Variants in PARP4 observed in about 807,000 individuals in gnomAD.
The protein encoded by PARP4 is protein mono-ADP-ribosyltransferase PARP4.
PARP4 carries 120 observed loss-of-function variants against 187.7 expected under a neutral mutation model. The ratio of observed to expected loss-of-function variants is 0.64; its 90% CI spans 0.55 to 0.74. The LOEUF (loss-of-function observed/expected upper bound fraction) is 0.74, where lower values mean the gene tolerates loss of function less well. PARP4 is among the 30% of genes least tolerant of loss of function. PARP4 has a pLI of 0.00. For missense variants in PARP4, 1,836 were observed against 2,070.5 expected, an observed-to-expected ratio of 0.89 and a Z score of 2.20; for synonymous variants, 654 against 740.9, an observed-to-expected ratio of 0.88 and a Z score of 1.90.
intron 1 of PARP4, among the ~76,000 whole-genome samples, chr13:24,510,330 G>A (rs1038738806): frequency 1.3e-5 from 2 of 152,082 alleles, no homozygotes; most frequent in African/African-American, 2.4e-5. Flanking sequence ...CGAGGCGGGC[G>A]GATCACGAGG....
chr13:24,508,899 A>G (rs1394500633), intron 1 of PARP4, among the ~76,000 whole-genome samples: 1 of 152,288 alleles, frequency 6.6e-6, no homozygotes, highest in East Asian at 1.9e-4. Context: ...GTCATTAAAT[A>G]TTATTGGAAA....
chr13:24,496,495 T>C (rs533040371), intron 6 of PARP4, among the ~76,000 whole-genome samples: 3 of 152,256 alleles, frequency 2.0e-5, no homozygotes, highest in African/African-American at 4.8e-5. Flanking sequence ...CAGTGACTCA[T>C]ATAATTGGGT....
rs201418061 is a variant in PARP4 at position 24,498,197 on chromosome 13, C to A, written c.510G>T (p.Val170=). The change falls in exon 6 of 34, where the codon GTG becomes GTT. Residue 170 remains valine, a synonymous_variant. Coordinates refer to ENST00000381989, the MANE Select transcript of PARP4 (RefSeq NM_006437.4). ...AGTCCCGCGAACACTGAAGCTCCAC[C>A]ACCACAGCTTCCTGGCCTCCCTCCA... The part of the protein sequence containing the change: ...VGMEGGQEAV[V]VELQCSRDSR... 3 of 1,613,318 alleles carry A rather than the reference C, an allele frequency of 1.9e-6. No individual in the cohort carries two copies. The highest frequency in any genetic ancestry group is 2.5e-6 in the Non-Finnish European group (3 of 1,179,890).
chr13:24,491,768 T>C (rs1195190573), intron 9 of PARP4, among the ~76,000 whole-genome samples: 1 of 152,240 alleles, frequency 6.6e-6, no homozygotes, highest in Non-Finnish European at 1.5e-5. Flanking sequence ...GGCCCATTTC[T>C]GAGCAGCCAC....
intron 27 of PARP4, among the ~76,000 whole-genome samples, chr13:24,445,810 C>T (rs1871179985): frequency 6.6e-6 from 1 of 152,108 alleles, no homozygotes; most frequent in Non-Finnish European, 1.5e-5. Context: ...GTGTGGGTAA[C>T]CTGGGGACCT....
At chr13:24,454,943 C>T in intron 22 of PARP4, 74 bp downstream of exon 22, 1 of 1,261,786 alleles carries the variant, frequency 7.9e-7, no homozygotes, top group Non-Finnish European at 1.1e-6. Flanking sequence ...CGGGTACCCA[C>T]AGTTGTCAGC....
Position 24,503,689 on chromosome 13 carries a change from T to C in PARP4, c.88A>G (p.Ile30Val), listed in dbSNP as rs776986616. The part of the protein sequence containing the change: ...QQQKKKLQTD[I>V]KENGGKFSFS... ...GAAAACTTTCCGCCATTTTCCTTAATGTCAGTTTGTAGCTTTTTCTTCTGC... is the reference window on the plus strand; with the variant it reads ...GAAAACTTTCCGCCATTTTCCTTAACGTCAGTTTGTAGCTTTTTCTTCTGC... The change falls in exon 2 of 34, where the codon ATT becomes GTT. Residue 30 changes from isoleucine (I) to valine (V), a missense_variant. Transcript: ENST00000381989. 10 of 1,613,740 alleles carry C rather than the reference T, an allele frequency of 6.2e-6. No homozygotes were observed. The highest frequency in any genetic ancestry group is 8.5e-7 in the Non-Finnish European group (1 of 1,179,954).
chr13:24,471,262 C>T (rs986249049), intron 15 of PARP4, among the ~76,000 whole-genome samples: 10 of 152,192 alleles, frequency 6.6e-5, no homozygotes, highest in South Asian at 6.2e-4. Flanking sequence ...TCTAATTGTA[C>T]TTGGTGTAGA....
intron 21 of PARP4, 121 bp downstream of exon 21, chr13:24,456,220 T>C (rs747638512): frequency 1.4e-6 from 1 of 718,822 alleles, no homozygotes; most frequent in Non-Finnish European, 2.2e-6. Flanking sequence ...AATCTTGAGA[T>C]GTGAGAGTTC....
intron 10 of PARP4, among the ~76,000 whole-genome samples, chr13:24,490,105 G>A (rs1436211618): frequency 1.3e-5 from 2 of 152,136 alleles, no homozygotes; most frequent in Non-Finnish European, 2.9e-5. Flanking sequence ...CTGAGAAGCT[G>A]GGCACAGACT....
At chr13:24,447,337 T>C (rs1238904001) in intron 25 of PARP4, 151 bp from the exon 26 acceptor site, 2 of 463,138 alleles carry the variant, frequency 4.3e-6, no homozygotes, top group South Asian at 7.0e-5. Flanking sequence ...TTCCCGAAAA[T>C]AGTTTAAACA....
Position 24,442,650 on chromosome 13 carries a change from T to C in PARP4, c.3483A>G (p.Lys1161=), listed in dbSNP as rs553751200. ...KKQTLKSLII[K]LSKENSLITQ... ...TTATGAGAGAGTTTTCTTTACTGAGTTTAATAATCAGAGATTTCAAGGTTT... is the reference window on the plus strand; with the variant it reads ...TTATGAGAGAGTTTTCTTTACTGAGCTTAATAATCAGAGATTTCAAGGTTT... The change falls in exon 29 of 34, where the codon AAA becomes AAG. Residue 1161 remains lysine, a synonymous_variant. Transcript: ENST00000381989. 2 of 1,598,444 alleles carry C rather than the reference T, an allele frequency of 1.3e-6. No homozygotes were observed. The highest frequency in any genetic ancestry group is 1.7e-5 in the Admixed American group (1 of 60,000).
At chr13:24,466,743 G>A (rs1451605500) in intron 17 of PARP4, among the ~76,000 whole-genome samples, 4 of 139,940 alleles carry the variant, frequency 2.9e-5, no homozygotes, top group Non-Finnish European at 6.0e-5. Flanking sequence ...AGGTTGCAGT[G>A]AGCCAAAATC....
Position 24,490,123 on chromosome 13 carries a change from G to A in PARP4, c.1214+545C>T, listed in dbSNP as rs116218105. Reference sequence around the variant, plus strand: ...AGAAGCTGGGCACAGACTCAGCCACGGTGACCCTCAGGGGTGCTGACACCC... The same window carrying A: ...AGAAGCTGGGCACAGACTCAGCCACAGTGACCCTCAGGGGTGCTGACACCC... On this transcript the variant is annotated intron_variant, in intron 10 of 33. Coordinates refer to ENST00000381989, the MANE Select transcript of PARP4 (RefSeq NM_006437.4). Among the ~76,000 whole-genome samples the A allele has an allele frequency of 2.7e-3, 406 of 152,294 alleles. 4 individuals carry two copies. The highest frequency in any genetic ancestry group is 9.3e-3 in the African/African-American group (386 of 41,558).
At chr13:24,427,603 C>G (rs974716514) in intron 32 of PARP4, among the ~76,000 whole-genome samples, 14 of 152,020 alleles carry the variant, frequency 9.2e-5, no homozygotes, top group African/African-American at 2.9e-4. Flanking sequence ...TATACAATTA[C>G]TTTTTTTGAG....
At position 24,422,678 on chromosome 13, in the gene PARP4, G is replaced by A. The variant is rs570789667; in HGVS notation, c.4980-1364C>T. On this transcript the variant is annotated intron_variant, in intron 33 of 33. Coordinates refer to ENST00000381989, the MANE Select transcript of PARP4 (RefSeq NM_006437.4). The stretch of plus-strand genomic sequence containing the variant: ...GGCTGGAGTGCAGGGACACGATCTC[G>A]GTTCACTGCAACCTCTGACTCCTTG... Among the ~76,000 whole-genome samples, 4 of 152,094 alleles carry A rather than the reference G, an allele frequency of 2.6e-5. No individual in the cohort carries two copies. The East Asian group carries it at 5.8e-4, about 22-fold the overall frequency.
chr13:24,488,910 A>G (rs1868469111), intron 10 of PARP4, among the ~76,000 whole-genome samples: 1 of 152,202 alleles, frequency 6.6e-6, no homozygotes, highest in Non-Finnish European at 1.5e-5. Context: ...GAATCGTACA[A>G]TATGTGGCTT....
At chr13:24,506,386 A>G (rs1038036190) in intron 1 of PARP4, among the ~76,000 whole-genome samples, 1 of 152,142 alleles carries the variant, frequency 6.6e-6, no homozygotes, top group African/African-American at 2.4e-5. Flanking sequence ...AAGCTTCCAC[A>G]GCGTGGAAGA....
rs923523443 is a variant in PARP4 at position 24,453,266 on chromosome 13, T to A, written c.2826+321A>T. Among the ~76,000 whole-genome samples, 52 of 151,762 alleles carry A rather than the reference T, an allele frequency of 3.4e-4. 1 individual carries two copies. Among genetic ancestry groups the A allele is most frequent in the Non-Finnish European group, 4.4e-5 (3 of 67,928 alleles). On this transcript the variant is annotated intron_variant, in intron 23 of 33. Coordinates refer to ENST00000381989, the MANE Select transcript of PARP4 (RefSeq NM_006437.4). ...TTTTTCTTTCTTTCTTTTTTTTTTT[T>A]AAACCTCAACCCTTTTAGATAAAGC...
Sources: allele counts gnomAD v4.1 joint callset (sites outside exome capture counted in the v4.1 genomes callset), GRCh38; gene constraint gnomAD v4.1.1; transcripts MANE v1.5; gene names NCBI Gene and HGNC (gene_info 2026-07-23, HGNC 2026-07-21).